The following GALNS variants were observed in gnomAD, a reference collection of about 807,000 sequenced individuals.
GALNS encodes N-acetylgalactosamine-6-sulfatase.
A neutral mutation model predicts 65.9 loss-of-function variants in GALNS; 65 were observed. That is an observed-to-expected ratio of 0.99 (90% confidence interval 0.81 to 1.21). GALNS has a LOEUF of 1.21. Among genes scored for constraint, GALNS ranks in the 50% most tolerant of loss-of-function variants. The pLI is 0.00. For missense variants in GALNS, 776 were observed against 700.7 expected, an observed-to-expected ratio of 1.11 and a Z score of -1.21; for synonymous variants, 346 against 288.9, an observed-to-expected ratio of 1.20 and a Z score of -2.00.
At chr16:88,825,271 TGTTTGGGC>T (rs1344384814) in intron 10 of GALNS, among the ~76,000 whole-genome samples, 1 of 90,010 alleles carries the variant, frequency 1.1e-5, no homozygotes, top group Non-Finnish European at 2.0e-5. Flanking sequence ...GGTGCCTGGG[TGTTTGGGC>T]AGCCGGGGCT....
intron 4 of GALNS, among the ~76,000 whole-genome samples, chr16:88,839,678 G>A (rs1014697828): frequency 3.9e-5 from 6 of 152,332 alleles, no homozygotes; most frequent in African/African-American, 9.6e-5. Context: ...GACCCAGCCC[G>A]GGCCATCCAG....
chr16:88,854,614 C>G (rs9937138), intron 1 of GALNS, among the ~76,000 whole-genome samples: 74,014 of 152,134 alleles, frequency 0.49, 18,817 homozygotes, highest in East Asian at 0.66. Context: ...ACCCACATCA[C>G]GCTAACATGA....
intron 1 of GALNS, chr16:88,855,462 G>T (rs569475216): frequency 2.8e-6 from 2 of 702,704 alleles, no homozygotes; most frequent in Non-Finnish European, 5.2e-6. Context: ...AGAAAGGCCC[G>T]GCTACTGCTG....
chr16:88,844,705 A>G (rs1335420849), intron 1 of GALNS: 1 of 152,278 alleles, frequency 6.6e-6, no homozygotes, highest in Non-Finnish European at 1.5e-5. Flanking sequence ...TCACAGGCCC[A>G]GCTGAATTCA....
Position 88,814,166 on chromosome 16 carries a change from C to A in GALNS, c.*273G>T. ...ACTGGTCTCAGATATTTGGGGTTCA[C>A]AAAGGCGTGAGACGGCAGGGTCCTG... On this transcript the variant is annotated 3_prime_UTR_variant, in exon 14 of 14. Coordinates refer to ENST00000268695, the MANE Select transcript of GALNS (RefSeq NM_000512.5). 1 of 550,820 alleles carries A rather than the reference C, an allele frequency of 1.8e-6. No homozygotes were observed. Among genetic ancestry groups the A allele is most frequent in the South Asian group, 2.0e-5 (1 of 49,486 alleles). 34.1% of individuals were successfully genotyped at this position (550,820 alleles called of 1,614,324 possible).
chr16:88,855,543 T>C (rs567097568), intron 1 of GALNS: 313 of 701,066 alleles, frequency 4.5e-4, no homozygotes, highest in South Asian at 1.3e-3. Flanking sequence ...ATAAGACATA[T>C]GAGATGGAAA....
At chr16:88,856,436 A>T (rs1451554348) in intron 1 of GALNS, 1 of 700,494 alleles carries the variant, frequency 1.4e-6, no homozygotes, top group East Asian at 2.7e-5. Context: ...GCCCGGTAGC[A>T]CGCCGGCCAC....
intron 13 of GALNS, chr16:88,815,887 C>T (rs1169207843): frequency 3.0e-6 from 3 of 985,274 alleles, no homozygotes; most frequent in African/African-American, 1.7e-5. Flanking sequence ...TCAAAGGCCG[C>T]TCAGCTGTCC....
At chr16:88,840,935 C>G (rs1323284520) in intron 4 of GALNS, 57 bp downstream of exon 4, 1 of 1,394,946 alleles carries the variant, frequency 7.2e-7, no homozygotes, top group Non-Finnish European at 1.0e-6. Flanking sequence ...CCCTTGGAAC[C>G]AAGGCCAGGA....
intron 12 of GALNS, among the ~76,000 whole-genome samples, chr16:88,821,088 T>G (rs1277587134): frequency 6.6e-6 from 1 of 151,758 alleles, no homozygotes; most frequent in African/African-American, 2.4e-5. Context: ...CCCGGGGGCG[T>G]CTGTCTCTGT....
intron 1 of GALNS, among the ~76,000 whole-genome samples, chr16:88,851,675 C>G (rs117755885): frequency 6.6e-6 from 1 of 152,164 alleles, no homozygotes; most frequent in East Asian, 1.9e-4. Flanking sequence ...GCTTTTCCAA[C>G]GGTCTTAGCT....
chr16:88,827,205 C>T, intron 9 of GALNS: 1 of 305,524 alleles, frequency 3.3e-6, no homozygotes, highest in Non-Finnish European at 6.3e-6. Flanking sequence ...GTGAGCCCTG[C>T]CCCTTAAGTC....
intron 1 of GALNS, among the ~76,000 whole-genome samples, chr16:88,854,864 T>C (rs768096171): frequency 3.6e-4 from 55 of 152,256 alleles, no homozygotes; most frequent in Non-Finnish European, 6.0e-4. Context: ...CAAGTACACC[T>C]ACCGGCCAGG....
chr16:88,835,824 T>G lies in GALNS; in HGVS notation c.659A>C (p.Gln220Pro), dbSNP rs1278066030. 6.2e-7 allele frequency: 1 copy of G among 1,614,138 alleles called. No homozygotes were observed. Among genetic ancestry groups the G allele is most frequent in the South Asian group, 1.1e-5 (1 of 91,090 alleles). Residue 220 changes from glutamine (Q) to proline (P), a missense_variant, in exon 7 of 14, where the codon CAG becomes CCG. Physicochemically the swap from Gln to Pro is moderately conservative, Grantham distance 76. Transcript: ENST00000268695. Reference protein sequence around the residue: ...LQEALDFIKRQARHHPFFLYW... With the variant: ...LQEALDFIKRPARHHPFFLYW... ...GAGGAAAAAGGGGTGGTGCCGTGCC[T>G]GTCTCTTAATGAAGTCCAGGGCTTC...
chr16:88,836,065 G>T, intron 6 of GALNS, 136 bp downstream of exon 6: 1 of 1,080,778 alleles, frequency 9.3e-7, no homozygotes. Context: ...GGGCGAGGGT[G>T]ATGAGGTCCC....
chr16:88,833,419 C>G (rs12929070), intron 8 of GALNS, among the ~76,000 whole-genome samples: 1 of 135,224 alleles, frequency 7.4e-6, no homozygotes, highest in South Asian at 2.3e-4. Flanking sequence ...CTTCTCCTTC[C>G]CTCCCTCCCT....
At chr16:88,829,436 C>T (rs1282690006) in intron 9 of GALNS, among the ~76,000 whole-genome samples, 4 of 152,248 alleles carry the variant, frequency 2.6e-5, no homozygotes, top group Admixed American at 6.5e-5. Context: ...CACACGGAGC[C>T]GCAGCTGCCT....
intron 1 of GALNS, among the ~76,000 whole-genome samples, chr16:88,848,468 C>G (rs113564282): frequency 6.6e-6 from 1 of 151,538 alleles, no homozygotes. Context: ...CCCGTCTCTA[C>G]CAAAAATACA....
At chr16:88,854,420 C>T (rs1967669609) in intron 1 of GALNS, among the ~76,000 whole-genome samples, 1 of 152,232 alleles carries the variant, frequency 6.6e-6, no homozygotes, top group South Asian at 2.1e-4. Flanking sequence ...TCTCACCTGC[C>T]AGCATCCCTG....
Sources: allele counts gnomAD v4.1 joint callset (sites outside exome capture counted in the v4.1 genomes callset), GRCh38; gene constraint gnomAD v4.1.1; transcripts MANE v1.5; gene names NCBI Gene and HGNC (gene_info 2026-07-23, HGNC 2026-07-21).